The following EXOC2 variants were observed in gnomAD, a reference collection of about 807,000 sequenced individuals.
EXOC2 encodes the protein SEC5-like 1.
Under a neutral mutation model 131.8 loss-of-function variants are expected in EXOC2, and 70 were observed. The observed-to-expected ratio is 0.53, with a 90% CI of 0.44 to 0.65. The LOEUF (loss-of-function observed/expected upper bound fraction) is 0.65. Among genes scored for constraint, EXOC2 ranks in the 30% least tolerant of loss-of-function variants. EXOC2 has a pLI of 0.00. For missense variants in EXOC2, 923 were observed against 1,108.6 expected (o/e 0.83, Z 2.38); for synonymous variants, 411 against 398.4 (o/e 1.03, Z -0.38).
intron 1 of EXOC2, among the ~76,000 whole-genome samples, chr6:654,767 G>GCATTCCA (rs1348422302): frequency 2.6e-5 from 3 of 114,846 alleles, no homozygotes; most frequent in African/African-American, 9.8e-5. Context: ...TTGTACCACT[G>GCATTCCA]CATTCCAGTC....
rs1443201402 is a variant in EXOC2 at position 675,605 on chromosome 6, TCCCCA to T, written c.-44+17409_-44+17413del. 8.4e-3 allele frequency among the ~76,000 whole-genome samples: 314 copies of T among 37,420 alleles called. 14 individuals carry two copies. The highest frequency in any genetic ancestry group is 0.016 in the African/African-American group (258 of 15,940). 24.5% of individuals were successfully genotyped at this position (37,420 alleles called of 152,430 possible). A position where few individuals can be genotyped will look rare whatever the true frequency, so the allele number is the denominator to read the frequency against. On this transcript the variant is annotated intron_variant, in intron 1 of 27. Coordinates refer to ENST00000230449, the MANE Select transcript of EXOC2 (RefSeq NM_018303.6). ...GACAGCCTCCTCTGGCAACTGCGGT[TCCCCA>T]TACTCTTCAGCATTACAGAAAGGAC...
chr6:651,313 G>GT (rs1762819725), intron 1 of EXOC2, among the ~76,000 whole-genome samples: 1 of 152,076 alleles, frequency 6.6e-6, no homozygotes, highest in Admixed American at 6.5e-5. Context: ...GATTACAGGC[G>GT]TGAGCCACCG....
chr6:635,081 A>AT (rs1237030684), intron 2 of EXOC2, among the ~76,000 whole-genome samples: 1 of 152,210 alleles, frequency 6.6e-6, no homozygotes, highest in African/African-American at 2.4e-5. Flanking sequence ...TTAATATCAG[A>AT]TTTTTGTGAT....
At chr6:687,251 C>CT in intron 1 of EXOC2, among the ~76,000 whole-genome samples, 1 of 131,162 alleles carries the variant, frequency 7.6e-6, no homozygotes, top group East Asian at 2.5e-4. Context: ...GCAATCATAG[C>CT]TCACTGCAGC....
intron 23 of EXOC2, among the ~76,000 whole-genome samples, chr6:503,214 GAATGGCTA>G (rs527751276): frequency 1.2e-3 from 180 of 151,728 alleles, no homozygotes; most frequent in Middle Eastern, 3.4e-3. Flanking sequence ...CATTCTAAGG[GAATGGCTA>G]AAAGTTCTCA....
At chr6:573,019 G>A (rs1189554189) in intron 12 of EXOC2, among the ~76,000 whole-genome samples, 5 of 152,218 alleles carry the variant, frequency 3.3e-5, no homozygotes, top group Non-Finnish European at 7.3e-5. Flanking sequence ...CCTTCTAACA[G>A]CAAAGGCAGG....
At chr6:585,052 C>T (rs935596639) in intron 11 of EXOC2, among the ~76,000 whole-genome samples, 3 of 152,194 alleles carry the variant, frequency 2.0e-5, no homozygotes, top group South Asian at 4.2e-4. Flanking sequence ...TTTTAAGAGA[C>T]GGGTGACACT....
chr6:691,149 TTAAAA>T (rs1764907359), intron 1 of EXOC2, among the ~76,000 whole-genome samples: 2 of 152,202 alleles, frequency 1.3e-5, no homozygotes, highest in Admixed American at 1.3e-4. Flanking sequence ...ACTAGAAATA[TTAAAA>T]GTTCTTTGCT....
At chr6:616,620 A>C (rs1401726133) in intron 6 of EXOC2, among the ~76,000 whole-genome samples, 1 of 151,328 alleles carries the variant, frequency 6.6e-6, no homozygotes. Flanking sequence ...AAAAAAAAAA[A>C]AAACTAACTT....
chr6:491,260 G>C, intron 25 of EXOC2, 74 bp from the exon 26 acceptor site: 2 of 1,490,172 alleles, frequency 1.3e-6, no homozygotes. Context: ...CTAAGGTTAA[G>C]GGTCTCCAGC....
chr6:657,074 G>C (rs1350500101), intron 1 of EXOC2: 2 of 768,590 alleles, frequency 2.6e-6, no homozygotes, highest in East Asian at 6.1e-5. Context: ...GCAGGCACTC[G>C]GGTTCCCGGT....
intron 23 of EXOC2, chr6:525,250 T>C (rs937700247): frequency 1.3e-5 from 2 of 152,248 alleles, no homozygotes; most frequent in Non-Finnish European, 2.9e-5. Context: ...CATAAAGGCA[T>C]TGTAAAAACT....
At chr6:501,033 T>C (rs768495544) in intron 23 of EXOC2, among the ~76,000 whole-genome samples, 11 of 141,950 alleles carry the variant, frequency 7.7e-5, no homozygotes, top group Non-Finnish European at 9.0e-5. Context: ...GAGATATATA[T>C]AGAGACATAT....
In EXOC2 at chr6:486,553, G is replaced by T; in HGVS notation, c.*118C>A. The stretch of plus-strand genomic sequence containing the variant: ...CCAACAATTTTCGAAGTCAGAGGAA[G>T]AAAAAAGAGAAAAATGGCAAACCCA... On this transcript the variant is annotated 3_prime_UTR_variant, in exon 28 of 28. Transcript: ENST00000230449. 1 of 905,940 alleles carries T rather than the reference G, an allele frequency of 1.1e-6. No individual in the cohort carries two copies. The highest frequency in any genetic ancestry group is 1.8e-5 in the South Asian group (1 of 56,988). 56.1% of individuals were successfully genotyped at this position (905,940 alleles called of 1,614,324 possible).
chr6:629,781 A>C (rs1561945607), intron 4 of EXOC2, 54 bp downstream of exon 4: 1 of 1,599,780 alleles, frequency 6.3e-7, no homozygotes, highest in Non-Finnish European at 8.5e-7. Flanking sequence ...GTAAGTATAT[A>C]AAACTTTTCA....
At chr6:557,206 A>G (rs1205873418) in intron 17 of EXOC2, among the ~76,000 whole-genome samples, 1 of 152,246 alleles carries the variant, frequency 6.6e-6, no homozygotes, top group East Asian at 1.9e-4. Context: ...TAAGTAAGAC[A>G]GAATTCTCAT....
intron 1 of EXOC2, among the ~76,000 whole-genome samples, chr6:643,017 C>T (rs1023720860): frequency 6.6e-6 from 1 of 151,440 alleles, no homozygotes; most frequent in Non-Finnish European, 1.5e-5. Flanking sequence ...TACCACAAAG[C>T]AATTTGGTAG....
At position 637,842 on chromosome 6, in the gene EXOC2, G is replaced by T. The variant is rs1216791044; in HGVS notation, c.-24C>A. The T allele has an allele frequency of 3.1e-6, 5 of 1,598,320 alleles. No individual in the cohort carries two copies. Among genetic ancestry groups the T allele is most frequent in the Non-Finnish European group, 4.3e-6 (5 of 1,167,552 alleles). ...ATTGTGCTTTGTGGAGCAAACTGGT[G>T]ATCCTGTTAGAGAAGTAATCTGTTA... On this transcript the variant is annotated 5_prime_UTR_variant, in exon 2 of 28. Coordinates refer to ENST00000230449, the MANE Select transcript of EXOC2 (RefSeq NM_018303.6).
intron 21 of EXOC2, among the ~76,000 whole-genome samples, chr6:549,633 T>G (rs1330199848): frequency 1.3e-5 from 2 of 152,362 alleles, no homozygotes; most frequent in South Asian, 4.1e-4. Flanking sequence ...TCTACTATAT[T>G]GTTTACTTAA....
Sources: allele counts gnomAD v4.1 joint callset (sites outside exome capture counted in the v4.1 genomes callset), GRCh38; gene constraint gnomAD v4.1.1; transcripts MANE v1.5; gene names NCBI Gene and HGNC (gene_info 2026-07-23, HGNC 2026-07-21).